CHST9: variants seen among roughly 807,000 people sequenced by gnomAD.
CHST9 encodes the protein GalNAc-4-sulfotransferase 2.
In CHST9, 41 loss-of-function variants were observed where a neutral mutation model predicts 44.4. The ratio of observed to expected loss-of-function variants is 0.92; its 90% CI spans 0.72 to 1.20. CHST9 has a LOEUF of 1.20. Among genes scored for constraint, CHST9 ranks in the 50% most tolerant of loss-of-function variants. The probability of loss-of-function intolerance (pLI) is 0.00; values close to 1 mark genes in which losing one functional copy is unlikely to be tolerated. For synonymous variants in CHST9, 171 were observed against 178.4 expected (o/e 0.96, Z 0.33); for missense variants, 504 against 516.5 (o/e 0.98, Z 0.23).
chr18:27,170,261 CTCTT>C (rs1173769616), intron 1 of CHST9, among the ~76,000 whole-genome samples: 3 of 152,158 alleles, frequency 2.0e-5, no homozygotes, highest in East Asian at 3.9e-4. Context: ...CACATTATCT[CTCTT>C]TCTTTCATCT....
At chr18:27,039,900 A>G (rs924770629) in intron 3 of CHST9, among the ~76,000 whole-genome samples, 1 of 152,132 alleles carries the variant, frequency 6.6e-6, no homozygotes, top group Non-Finnish European at 1.5e-5. Flanking sequence ...AAAACAAGAT[A>G]AAAGTTCATT....
intron 4 of CHST9, among the ~76,000 whole-genome samples, chr18:27,000,399 G>C (rs976962139): frequency 6.6e-6 from 1 of 152,262 alleles, no homozygotes; most frequent in East Asian, 1.9e-4. Context: ...ACTTACGAAG[G>C]GACTTATCAA....
At chr18:26,930,230 G>C (rs1450302535) in intron 5 of CHST9, among the ~76,000 whole-genome samples, 1 of 152,216 alleles carries the variant, frequency 6.6e-6, no homozygotes. Context: ...GTTAGGAAGA[G>C]AGATTGCCTG....
At chr18:27,150,030 T>A (rs1241788586) in intron 1 of CHST9, among the ~76,000 whole-genome samples, 3 of 152,142 alleles carry the variant, frequency 2.0e-5, no homozygotes. Context: ...GTGGCCTCTC[T>A]TTCTTAGCAT....
intron 1 of CHST9, among the ~76,000 whole-genome samples, chr18:27,152,444 GGTTATTGCAAAATGATTT>G (rs1044656958): frequency 9.9e-5 from 15 of 151,502 alleles, no homozygotes; most frequent in African/African-American, 3.6e-4. Context: ...AAAACACAGA[GGTTATTGCAAAATGATTT>G]GTTCATCCCA....
chr18:27,172,655 T>C (rs2058842046), intron 1 of CHST9, among the ~76,000 whole-genome samples: 1 of 152,018 alleles, frequency 6.6e-6, no homozygotes, highest in South Asian at 2.1e-4. Context: ...GATTCCATCA[T>C]AGTGAATTTT....
At chr18:27,137,353 T>C (rs1317256936) in intron 2 of CHST9, among the ~76,000 whole-genome samples, 1 of 114,866 alleles carries the variant, frequency 8.7e-6, no homozygotes, top group Non-Finnish European at 1.8e-5. Flanking sequence ...TGTGTGTGTG[T>C]GTATAGAGAG....
intron 4 of CHST9, among the ~76,000 whole-genome samples, chr18:27,018,106 G>T (rs886729748): frequency 2.6e-5 from 4 of 152,146 alleles, no homozygotes; most frequent in African/African-American, 9.6e-5. Flanking sequence ...AAGGGGAGTA[G>T]TTACACTTTG....
At chr18:27,080,669 G>A (rs1293026842) in intron 2 of CHST9, among the ~76,000 whole-genome samples, 1 of 152,172 alleles carries the variant, frequency 6.6e-6, no homozygotes, top group Admixed American at 6.5e-5. Flanking sequence ...GTCCTGCAGA[G>A]TGGAAAAGTG....
intron 1 of CHST9, among the ~76,000 whole-genome samples, chr18:27,179,532 G>A (rs2058895003): frequency 6.6e-6 from 1 of 152,026 alleles, no homozygotes; most frequent in Admixed American, 6.6e-5. Flanking sequence ...GGTATGTTCA[G>A]GGTTGTCACA....
chr18:26,929,410 G>A lies in CHST9; in HGVS notation c.241-12060C>T, dbSNP rs1434379751. The stretch of plus-strand genomic sequence containing the variant: ...TACCTAGTACAGTACCTGACATATA[G>A]TGTCTGCCATATAGTAGGTTTCTCC... On this transcript the variant is annotated intron_variant, in intron 5 of 5. Coordinates refer to ENST00000618847, the MANE Select transcript of CHST9 (RefSeq NM_031422.6). Among the ~76,000 whole-genome samples, 4 of 152,332 alleles carry A rather than the reference G, an allele frequency of 2.6e-5. No homozygotes were observed. The East Asian group carries it at 5.8e-4, about 22-fold the overall frequency.
At chr18:27,090,026 T>A (rs1295962793) in intron 2 of CHST9, among the ~76,000 whole-genome samples, 1 of 152,106 alleles carries the variant, frequency 6.6e-6, no homozygotes, top group Non-Finnish European at 1.5e-5. Context: ...TTAGCCAGTA[T>A]GGTCTCAATC....
intron 2 of CHST9, among the ~76,000 whole-genome samples, chr18:27,053,142 A>G (rs12966527): frequency 0.086 from 6,368 of 73,702 alleles, 256 homozygotes; most frequent in Non-Finnish European, 0.15. Flanking sequence ...AAGAAGAAGA[A>G]GAAGAAGAAG....
At chr18:27,009,611 C>T (rs2057059082) in intron 4 of CHST9, among the ~76,000 whole-genome samples, 1 of 152,142 alleles carries the variant, frequency 6.6e-6, no homozygotes. Context: ...ACATTTCTGA[C>T]ACATGGCATG....
At chr18:26,923,867 G>A (rs753409218) in intron 5 of CHST9, among the ~76,000 whole-genome samples, 1 of 152,134 alleles carries the variant, frequency 6.6e-6, no homozygotes, top group Non-Finnish European at 1.5e-5. Context: ...TCACAAGGGA[G>A]GTGATGCCTG....
At chr18:27,064,032 A>T (rs753655523) in intron 2 of CHST9, among the ~76,000 whole-genome samples, 3 of 152,170 alleles carry the variant, frequency 2.0e-5, no homozygotes, top group Admixed American at 1.3e-4. Context: ...AGAATCCTGA[A>T]TACCTATGGG....
chr18:27,038,103 T>C (rs561791485), intron 3 of CHST9, among the ~76,000 whole-genome samples: 4 of 152,318 alleles, frequency 2.6e-5, no homozygotes, highest in Admixed American at 2.6e-4. Flanking sequence ...AAAAATTGAT[T>C]ATCTCTCTTT....
intron 2 of CHST9, among the ~76,000 whole-genome samples, chr18:27,055,336 C>T (rs1018988259): frequency 1.3e-5 from 2 of 151,914 alleles, no homozygotes; most frequent in African/African-American, 2.4e-5. Context: ...AAAAAAAACT[C>T]GCAATATTTT....
intron 4 of CHST9, among the ~76,000 whole-genome samples, chr18:27,016,972 T>C (rs982174164): frequency 3.3e-5 from 5 of 152,194 alleles, no homozygotes; most frequent in African/African-American, 9.7e-5. Flanking sequence ...AAGTCCTTGC[T>C]GAAAGACAGT....
Sources: allele counts gnomAD v4.1 joint callset (sites outside exome capture counted in the v4.1 genomes callset), GRCh38; gene constraint gnomAD v4.1.1; transcripts MANE v1.5; gene names NCBI Gene and HGNC (gene_info 2026-07-23, HGNC 2026-07-21).